ZNRF1: variants seen among roughly 807,000 people sequenced by gnomAD.
ZNRF1 encodes the protein E3 ubiquitin-protein ligase ZNRF1.
In ZNRF1, 3 loss-of-function variants were observed where a neutral mutation model predicts 18.4. The ratio of observed to expected loss-of-function variants is 0.16; its 90% CI spans 0.07 to 0.42. ZNRF1 has a LOEUF of 0.42. Among genes scored for constraint, ZNRF1 ranks in the 10% least tolerant of loss-of-function variants. The pLI, the probability that ZNRF1 is intolerant of heterozygous loss-of-function variation, is 0.99. For synonymous variants in ZNRF1, 157 were observed against 144.2 expected, an observed-to-expected ratio of 1.09 and a Z score of -0.64; for missense variants, 310 against 329.8, an observed-to-expected ratio of 0.94 and a Z score of 0.47.
chr16:75,094,903 A>T (rs1478519622), intron 2 of ZNRF1, among the ~76,000 whole-genome samples: 2 of 152,166 alleles, frequency 1.3e-5, no homozygotes, highest in Non-Finnish European at 2.9e-5. Flanking sequence ...TAGTGGTTGG[A>T]AAAAGAGTTC....
intron 1 of ZNRF1, among the ~76,000 whole-genome samples, chr16:75,011,721 G>C (rs1330875600): frequency 6.6e-6 from 1 of 152,174 alleles, no homozygotes; most frequent in Non-Finnish European, 1.5e-5. Flanking sequence ...TTGCAAGCTA[G>C]CTGCCATCCA....
chr16:75,019,827 C>G (rs906375387), intron 1 of ZNRF1, among the ~76,000 whole-genome samples: 2 of 152,058 alleles, frequency 1.3e-5, no homozygotes, highest in Admixed American at 1.3e-4. Context: ...TGGACTCAAG[C>G]GATCCTCCTG....
chr16:75,034,396 T>C (rs2035350154), intron 1 of ZNRF1, among the ~76,000 whole-genome samples: 1 of 152,208 alleles, frequency 6.6e-6, no homozygotes, highest in Admixed American at 6.5e-5. Context: ...GGTATTTGTC[T>C]TTTTGTGACT....
At position 74,999,829 on chromosome 16, in the gene ZNRF1, C is replaced by T. The variant is rs1278614903; in HGVS notation, c.158C>T (p.Ser53Leu). The change falls in exon 1 of 5, where the codon TCG becomes TTG. Residue 53 changes from serine (S) to leucine (L), a missense_variant. By Grantham distance (145) the Ser-to-Leu change is moderately radical. This residue lies in a region of ZNRF1 where 293 missense variants were observed against 291.2 expected (regional missense o/e 1.01). Transcript: ENST00000335325. ...GGGCTGCGCAGCCGCTCGGTCAGCT[C>T]GGTGGCAGGCATGGGCATGGACCCC... ...AMGLRSRSVS[S>L]VAGMGMDPST... The T allele has an allele frequency of 2.1e-6, 3 of 1,463,096 alleles. No homozygotes were observed. The highest frequency in any genetic ancestry group is 1.4e-5 in the African/African-American group (1 of 70,194). The allele number at this position is 1,463,096 out of a possible 1,614,324, so 90.6% of individuals were successfully genotyped here. A position where few individuals can be genotyped will look rare whatever the true frequency, so the allele number is the denominator to read the frequency against.
rs1030802822 is a variant in ZNRF1, at chr16:74,999,115, G to C, written c.-557G>C. On this transcript the variant is annotated 5_prime_UTR_variant, in exon 1 of 5. Coordinates refer to ENST00000335325, the MANE Select transcript of ZNRF1 (RefSeq NM_032268.5). ...GCGGGGCCGGCGGCGGCTGAAGCGA[G>C]AGCGCGACGCGACGCGACCGCGGCT... 1.0e-4 allele frequency: 15 copies of C among 147,946 alleles called. No individual in the cohort carries two copies. The highest frequency in any genetic ancestry group is 3.4e-4 in the African/African-American group (14 of 41,000). The allele number at this position is 147,946 out of a possible 1,614,324, so 9.2% of individuals were successfully genotyped here.
intron 1 of ZNRF1, 174 bp downstream of exon 1, chr16:75,000,269 C>G (rs1354211689): frequency 2.0e-6 from 2 of 993,206 alleles, no homozygotes; most frequent in Non-Finnish European, 3.1e-6. Flanking sequence ...ACTAGGCTTT[C>G]TGCGAGGCTG....
chr16:75,025,902 A>G (rs2035216919), intron 1 of ZNRF1, among the ~76,000 whole-genome samples: 1 of 152,152 alleles, frequency 6.6e-6, no homozygotes, highest in African/African-American at 2.4e-5. Flanking sequence ...TGGGATTTTA[A>G]GTCAGGCCTG....
chr16:75,000,221 C>G (rs780086542), intron 1 of ZNRF1, 126 bp downstream of exon 1: 2 of 1,345,916 alleles, frequency 1.5e-6, no homozygotes, highest in South Asian at 1.3e-5. Flanking sequence ...CTTTGGTTCC[C>G]GATGCCAAGG....
At chr16:75,101,361 C>T (rs1446459482) in intron 2 of ZNRF1, among the ~76,000 whole-genome samples, 2 of 152,194 alleles carry the variant, frequency 1.3e-5, no homozygotes, top group Non-Finnish European at 2.9e-5. Context: ...CAAGACCATC[C>T]TGGCTAACAT....
rs186343794 is a variant in ZNRF1 at position 75,022,266 on chromosome 16, T to A, written c.424+22171T>A. On this transcript the variant is annotated intron_variant, in intron 1 of 4. Transcript: ENST00000335325. ...CGAGACTCTGTCTCAAAAATTTTTT[T>A]AAAAAATAATTAATTGGCTGAGCGA... Among the ~76,000 whole-genome samples, 132 of 137,298 alleles carry A rather than the reference T, an allele frequency of 9.6e-4. 1 individual carries two copies. The highest frequency in any genetic ancestry group is 2.7e-3 in the African/African-American group (99 of 36,956). The allele number at this position is 137,298 out of a possible 152,430, so 90.1% of individuals were successfully genotyped here. A position where few individuals can be genotyped will look rare whatever the true frequency, so the allele number is the denominator to read the frequency against.
intron 1 of ZNRF1, among the ~76,000 whole-genome samples, chr16:75,001,170 G>C (rs1444073392): frequency 1.3e-5 from 2 of 152,152 alleles, no homozygotes; most frequent in Admixed American, 6.5e-5. Flanking sequence ...ATAGTGTAGG[G>C]GAAAGATTGC....
At chr16:75,101,780 CTG>C (rs2036257790) in intron 2 of ZNRF1, among the ~76,000 whole-genome samples, 1 of 152,250 alleles carries the variant, frequency 6.6e-6, no homozygotes, top group South Asian at 2.1e-4. Flanking sequence ...TCCTCTACCA[CTG>C]TGAAAGTGTG....
chr16:75,068,340 G>A (rs1412996289), intron 1 of ZNRF1, among the ~76,000 whole-genome samples: 1 of 152,034 alleles, frequency 6.6e-6, no homozygotes, highest in Non-Finnish European at 1.5e-5. Context: ...CTCCATCCTG[G>A]TTGACAGAGC....
chr16:75,088,609 A>G (rs1223449383), intron 1 of ZNRF1, among the ~76,000 whole-genome samples: 1 of 152,198 alleles, frequency 6.6e-6, no homozygotes, highest in Non-Finnish European at 1.5e-5. Context: ...CTAGTCAGTC[A>G]GTAGCACAGC....
Position 74,999,908 on chromosome 16 carries a change from C to T in ZNRF1, c.237C>T (p.Thr79=), listed in dbSNP as rs2034816885. The part of the protein sequence containing the change: ...FGLYTPASRG[T]GDSERAPGGG... ...TCTACACCCCCGCCTCCCGGGGCAC[C>T]GGCGACTCCGAGAGGGCGCCCGGCG... The change falls in exon 1 of 5, where the codon ACC becomes ACT. Residue 79 remains threonine (T), a synonymous_variant. Coordinates refer to ENST00000335325, the MANE Select transcript of ZNRF1 (RefSeq NM_032268.5). 3 of 1,547,472 alleles carry T rather than the reference C, an allele frequency of 1.9e-6. No individual in the cohort carries two copies. The highest frequency in any genetic ancestry group is 1.4e-5 in the African/African-American group (1 of 73,060).
chr16:75,069,313 G>C lies in ZNRF1; in HGVS notation c.425-24259G>C, dbSNP rs531920852. ...TCTTCACTGCTCTCTTATATTTCCT[G>C]TATCCACCATCTTTGCCCAGGTGTT... On this transcript the variant is annotated intron_variant, in intron 1 of 4. Transcript: ENST00000335325. Among the ~76,000 whole-genome samples, 3 of 152,208 alleles carry C rather than the reference G, an allele frequency of 2.0e-5. No homozygotes were observed. The South Asian group carries it at 6.2e-4, about 32-fold the overall frequency.
intron 1 of ZNRF1, among the ~76,000 whole-genome samples, chr16:75,077,556 A>AT (rs891067593): frequency 1.3e-5 from 2 of 152,180 alleles, no homozygotes; most frequent in African/African-American, 2.4e-5. Context: ...AAAAGAGTTG[A>AT]TTTTTTAGAA....
chr16:75,034,276 C>G (rs1435549430), intron 1 of ZNRF1, among the ~76,000 whole-genome samples: 1 of 152,206 alleles, frequency 6.6e-6, no homozygotes, highest in East Asian at 1.9e-4. Context: ...CAAACTATAA[C>G]TCTGTACCCA....
intron 1 of ZNRF1, chr16:75,046,925 A>G (rs2035523729): frequency 6.5e-6 from 1 of 153,874 alleles, no homozygotes; most frequent in Non-Finnish European, 1.5e-5. Flanking sequence ...TATAGTGATC[A>G]TCTACGTGTT....
Sources: allele counts gnomAD v4.1 joint callset (sites outside exome capture counted in the v4.1 genomes callset), GRCh38; gene constraint gnomAD v4.1.1; regional missense constraint gnomAD v4.1.1; transcripts MANE v1.5; gene names NCBI Gene and HGNC (gene_info 2026-07-23, HGNC 2026-07-21).